The following SLC45A4 variants were observed in gnomAD, a reference collection of about 807,000 sequenced individuals.
SLC45A4 encodes solute carrier family 45 member 4, also known as polyamine-transporter SLC45A4.
In SLC45A4, 32 loss-of-function variants were observed where a neutral mutation model predicts 63.7. That is an observed-to-expected ratio of 0.50 (90% CI 0.38 to 0.67). SLC45A4 has a LOEUF of 0.67. Ranked by LOEUF, SLC45A4 falls within the 30% of genes least tolerant of loss-of-function variation. SLC45A4 has a pLI of 0.00. For missense variants in SLC45A4, 1,027 were observed against 1,157.7 expected (o/e 0.89, Z 1.64); for synonymous variants, 535 against 510.0 (o/e 1.05, Z -0.66).
chr8:141,284,461 G>A (rs1196981184), intron 1 of SLC45A4, among the ~76,000 whole-genome samples: 3 of 152,354 alleles, frequency 2.0e-5, no homozygotes, highest in East Asian at 3.9e-4. Flanking sequence ...TGGCGAGGAC[G>A]TCTGGTGTCT....
chr8:141,254,173 G>C lies in SLC45A4; in HGVS notation c.57C>G (p.Ser19=). The C allele has an allele frequency of 6.5e-7, 1 of 1,536,106 alleles. No individual in the cohort carries two copies. The highest frequency in any genetic ancestry group is 2.0e-5 in the Admixed American group (1 of 51,010). Reference sequence around the variant, plus strand: ...CTTTCTGCGGGTCCGGCAGGGGCACGGATAACTCTTGAACTTGCATAGATT... The same window carrying C: ...CTTTCTGCGGGTCCGGCAGGGGCACCGATAACTCTTGAACTTGCATAGATT... ...DPESMQVQEL[S]VPLPDPQKAG... The change falls in exon 2 of 9, where the codon TCC becomes TCG. Residue 19 remains serine (S), a synonymous_variant. Transcript: ENST00000517878. This position sits in a 1 kb window ranked among gnomAD's most constrained non-coding sequence, Gnocchi z 4.5.
In SLC45A4 at chr8:141,218,731, C is replaced by T. The variant is rs757246549; in HGVS notation, c.909G>A (p.Met303Ile). 8 of 1,612,690 alleles carry T rather than the reference C, an allele frequency of 5.0e-6. No individual in the cohort carries two copies. Among genetic ancestry groups the T allele is most frequent in the African/African-American group, 1.3e-5 (1 of 74,912 alleles). ...LALDYPDVDIMRSKSDSALHV... is the reference protein window; with the variant it reads ...LALDYPDVDIIRSKSDSALHV... Reference sequence around the variant, plus strand: ...GCAATGCCGAGTCGCTTTTGCTGCGCATGATGTCCACGTCCGGGTAGTCCA... The same window carrying T: ...GCAATGCCGAGTCGCTTTTGCTGCGTATGATGTCCACGTCCGGGTAGTCCA... The change falls in exon 5 of 9, where the codon ATG becomes ATA. Residue 303 changes from methionine (M) to isoleucine (I), a missense_variant. Physicochemically the swap from Met to Ile is conservative, Grantham distance 10. Transcript: ENST00000517878.
Position 141,212,322 on chromosome 8 carries a change from C to T in SLC45A4, c.2176G>A (p.Glu726Lys), listed in dbSNP as rs370052218. The change falls in exon 8 of 9, where the codon GAG (glutamate) becomes AAG (lysine). Residue 726 changes from glutamate (E) to lysine (K), a missense_variant. Transcript: ENST00000517878. ...AACGGGGAAGACAGGCCTTTCTGCT[C>T]CTCCTTGGCCTCCTCTGACACGTTG... Reference protein sequence around the residue: ...YPNVSEEAKEEQKGLSSPLAG... With the variant: ...YPNVSEEAKEKQKGLSSPLAG... 1.9e-6 allele frequency: 3 copies of T among 1,611,126 alleles called. No individual in the cohort carries two copies. The highest frequency in any genetic ancestry group is 2.5e-6 in the Non-Finnish European group (3 of 1,178,230).
At chr8:141,245,745 A>AG (rs1828158319) in intron 2 of SLC45A4, among the ~76,000 whole-genome samples, 1 of 152,158 alleles carries the variant, frequency 6.6e-6, no homozygotes, top group South Asian at 2.1e-4. Context: ...GGGGGAAGGG[A>AG]GGGGCCTCCC....
chr8:141,236,924 G>C (rs997592276), intron 2 of SLC45A4, among the ~76,000 whole-genome samples: 1 of 152,174 alleles, frequency 6.6e-6, no homozygotes, highest in Non-Finnish European at 1.5e-5. Context: ...AACCTCCATC[G>C]GTCCCTGAGC....
intron 1 of SLC45A4, among the ~76,000 whole-genome samples, chr8:141,300,682 C>T (rs901882021): frequency 6.6e-6 from 1 of 152,242 alleles, no homozygotes; most frequent in African/African-American, 2.4e-5. Context: ...TCTAGCAAAT[C>T]TAAAGTCTGG....
intron 1 of SLC45A4, among the ~76,000 whole-genome samples, chr8:141,261,068 A>G (rs1829023002): frequency 6.6e-6 from 1 of 152,262 alleles, no homozygotes; most frequent in East Asian, 1.9e-4. Context: ...AGGCTGGTTC[A>G]ACACTCGCAA....
chr8:141,249,083 C>T (rs948687290), intron 2 of SLC45A4, among the ~76,000 whole-genome samples: 6 of 151,488 alleles, frequency 4.0e-5, no homozygotes, highest in African/African-American at 4.8e-5. Context: ...ACACCCACTT[C>T]GATGAATGAA....
chr8:141,306,340 T>C (rs1056442534), intron 1 of SLC45A4, among the ~76,000 whole-genome samples: 1 of 152,182 alleles, frequency 6.6e-6, no homozygotes, highest in Non-Finnish European at 1.5e-5. Flanking sequence ...CCTGAACGGG[T>C]GTGAAATCCT....
At chr8:141,282,263 G>A (rs976867279) in intron 1 of SLC45A4, among the ~76,000 whole-genome samples, 16 of 152,198 alleles carry the variant, frequency 1.1e-4, no homozygotes, top group African/African-American at 3.1e-4. Context: ...ACAATGACAC[G>A]TGAGCAGAGC....
At chr8:141,305,224 A>G (rs1260608105) in intron 1 of SLC45A4, among the ~76,000 whole-genome samples, 1 of 152,202 alleles carries the variant, frequency 6.6e-6, no homozygotes, top group Non-Finnish European at 1.5e-5. Context: ...TAATCTAAAC[A>G]AGGGGACCTT....
At chr8:141,228,292 T>C (rs1827149704) in intron 2 of SLC45A4, 1 of 1,611,030 alleles carries the variant, frequency 6.2e-7, no homozygotes, top group Non-Finnish European at 8.5e-7. Context: ...TGCCGCCCTG[T>C]GCCAGGCACC....
rs1350409541 is a variant in SLC45A4, at chr8:141,208,266, T to G, written c.*3306A>C. 1 of 152,008 alleles carries G rather than the reference T, an allele frequency of 6.6e-6. No individual in the cohort carries two copies. The highest frequency in any genetic ancestry group is 6.6e-5 in the Admixed American group (1 of 15,266). 9.4% of individuals were successfully genotyped at this position (152,008 alleles called of 1,614,324 possible). A position where few individuals can be genotyped will look rare whatever the true frequency, so the allele number is the denominator to read the frequency against. ...AACCATTAGCCATATAAGGGAACAG[T>G]TGGTATCTTTAAGAGTATTTTTCAA... On this transcript the variant is annotated 3_prime_UTR_variant, in exon 9 of 9. Coordinates refer to ENST00000517878, the MANE Select transcript of SLC45A4 (RefSeq NM_001286646.2).
At chr8:141,299,925 G>A (rs1346316394) in intron 1 of SLC45A4, among the ~76,000 whole-genome samples, 1 of 152,194 alleles carries the variant, frequency 6.6e-6, no homozygotes, top group Non-Finnish European at 1.5e-5. Context: ...ATTTAATCCG[G>A]TTCTGTGGGG....
chr8:141,254,215 C>G lies in SLC45A4; in HGVS notation c.15G>C (p.Pro5=), dbSNP rs1031019026. The change falls in exon 2 of 9, where the codon CCG becomes CCC. Residue 5 remains proline, a synonymous_variant. Transcript: ENST00000517878. This position sits in a 1 kb window ranked among gnomAD's most constrained non-coding sequence, Gnocchi z 4.5. MKMA[P]QNADPESMQV... Reference sequence around the variant, plus strand: ...GCATAGATTCCGGGTCGGCATTCTGCGGAGCCATTTTCATTACCACCAAAA... The same window carrying G: ...GCATAGATTCCGGGTCGGCATTCTGGGGAGCCATTTTCATTACCACCAAAA... The G allele has an allele frequency of 6.5e-7, 1 of 1,533,078 alleles. No individual in the cohort carries two copies. Among genetic ancestry groups the G allele is most frequent in the Non-Finnish European group, 8.7e-7 (1 of 1,144,692 alleles). The allele number at this position is 1,533,078 out of a possible 1,614,324, so 95.0% of individuals were successfully genotyped here. A position where few individuals can be genotyped will look rare whatever the true frequency, so the allele number is the denominator to read the frequency against.
rs765022689 is a variant in SLC45A4, at chr8:141,218,766, C to T, written c.874G>A (p.Glu292Lys). Residue 292 changes from glutamate to lysine, a missense_variant, in exon 5 of 9, where the codon GAG becomes AAG. Physicochemically the swap from Glu to Lys is moderately conservative, Grantham distance 56 (BLOSUM62 1). Coordinates refer to ENST00000517878, the MANE Select transcript of SLC45A4 (RefSeq NM_001286646.2). ...AFPDEVQSEH[E>K]LALDYPDVDI... Reference sequence around the variant, plus strand: ...ACGTCCGGGTAGTCCAGGGCCAGCTCGTGCTCCGACTGTACCTCGTCTGGG... The same window carrying T: ...ACGTCCGGGTAGTCCAGGGCCAGCTTGTGCTCCGACTGTACCTCGTCTGGG... 1.1e-5 allele frequency: 17 copies of T among 1,613,280 alleles called. No homozygotes were observed. Among genetic ancestry groups the T allele is most frequent in the Middle Eastern group, 1.6e-4 (1 of 6,062 alleles).
intron 1 of SLC45A4, among the ~76,000 whole-genome samples, chr8:141,296,445 G>A (rs1171232141): frequency 1.4e-5 from 2 of 145,458 alleles, no homozygotes; most frequent in East Asian, 2.0e-4. Flanking sequence ...GCTGTAGTGA[G>A]CTATGATTGC....
At chr8:141,270,118 T>G (rs1477970477) in intron 1 of SLC45A4, among the ~76,000 whole-genome samples, 3 of 152,062 alleles carry the variant, frequency 2.0e-5, no homozygotes, top group Non-Finnish European at 4.4e-5. Flanking sequence ...CACAGCGCAG[T>G]TGGACTACCT....
rs1272513220 is a variant in SLC45A4, at chr8:141,212,358, C to T, written c.2140G>A (p.Val714Met). 1.9e-6 allele frequency: 3 copies of T among 1,613,634 alleles called. No homozygotes were observed. Among genetic ancestry groups the T allele is most frequent in the Non-Finnish European group, 1.7e-6 (2 of 1,179,998 alleles). The part of the protein sequence containing the change: ...FLGFLTATFL[V>M]IYPNVSEEAK... ...TCCTCTGACACGTTGGGATAGATCA[C>T]CAGGAATGTGGCCGTCAGGAAGCCC... The change falls in exon 8 of 9, where the codon GTG becomes ATG. Residue 714 changes from valine (V) to methionine (M), a missense_variant. Physicochemically the swap from Val to Met is conservative, Grantham distance 21. Transcript: ENST00000517878.
Sources: gnomAD v4.1 joint callset for allele counts (sites outside exome capture counted in the v4.1 genomes callset) on GRCh38, gnomAD v4.1.1 for gene constraint, Gnocchi (gnomAD v3.1) non-coding constraint, MANE v1.5 for transcripts, NCBI Gene and HGNC (gene_info 2026-07-23, HGNC 2026-07-21) for gene names.